DNAH12: variants seen among roughly 807,000 people sequenced by gnomAD.
DNAH12 encodes axonemal beta dynein heavy chain 12.
In DNAH12, 285 loss-of-function variants were observed where a neutral mutation model predicts 371.5. That is an observed-to-expected ratio of 0.77 (90% CI 0.70 to 0.85). The LOEUF (loss-of-function observed/expected upper bound fraction) is 0.85. DNAH12 is among the 40% of genes least tolerant of loss of function. The pLI is 0.00. For missense variants in DNAH12, 3,611 were observed against 3,689.4 expected (o/e 0.98, Z 0.55); for synonymous variants, 1,200 against 1,213.0 (o/e 0.99, Z 0.22).
intron 39 of DNAH12, among the ~76,000 whole-genome samples, chr3:57,411,760 T>A (rs930849190): frequency 1.5e-4 from 23 of 152,114 alleles, no homozygotes; most frequent in African/African-American, 5.3e-4. Flanking sequence ...CCTTCCAAAC[T>A]TGACATGTAG....
At chr3:57,457,523 T>G (rs1173461816) in intron 22 of DNAH12, among the ~76,000 whole-genome samples, 198 bp downstream of exon 22, 2 of 152,200 alleles carry the variant, frequency 1.3e-5, no homozygotes, top group Non-Finnish European at 2.9e-5. Context: ...CATAATACCT[T>G]TTCTCTTTTA....
upstream of DNAH12, among the ~76,000 whole-genome samples, chr3:57,548,007 T>C (rs1223112310): frequency 6.6e-6 from 1 of 152,298 alleles, no homozygotes; most frequent in African/African-American, 2.4e-5. Context: ...AACATTAGAA[T>C]AAAGCAATTT....
chr3:57,445,815 C>T (rs961200071), intron 27 of DNAH12, among the ~76,000 whole-genome samples: 1 of 151,750 alleles, frequency 6.6e-6, no homozygotes, highest in African/African-American at 2.4e-5. Context: ...GGTAAAACCC[C>T]GTCTTTACTA....
chr3:57,446,171 A>C lies in DNAH12; in HGVS notation c.4039T>G (p.Cys1347Gly), dbSNP rs1208966041. The change falls in exon 27 of 74, where the codon TGC (cysteine) becomes GGC (glycine). Residue 1347 changes from cysteine to glycine, a missense_variant. Coordinates refer to ENST00000495027, the MANE Select transcript of DNAH12 (RefSeq NM_001366028.2). ...TTCTGTTGAATAGCTCTCTGAATGC[A>C]AAGGATCTGTTGAGCTACCACTGAC... The part of the protein sequence containing the change: ...VLSVVAQQIL[C>G]IQRAIQQKLV... 1 of 1,551,626 alleles carries C rather than the reference A, an allele frequency of 6.4e-7. No individual in the cohort carries two copies. Among genetic ancestry groups the C allele is most frequent in the Non-Finnish European group, 8.7e-7 (1 of 1,147,002 alleles).
rs1166417213 is a variant in DNAH12, at chr3:57,480,779, A to C, written c.1650+2597T>G. On this transcript the variant is annotated intron_variant, in intron 13 of 73. Transcript: ENST00000495027. ...GCTGGTTCAACATACGCAAATCAAT[A>C]AATGTCATCCAGCATATAAACAGAA... Among the ~76,000 whole-genome samples the C allele has an allele frequency of 2.6e-5, 4 of 152,354 alleles. No homozygotes were observed. In the East Asian group the frequency reaches 7.7e-4, roughly 29 times the overall value.
chr3:57,388,028 C>CA (rs1381792651), intron 45 of DNAH12, among the ~76,000 whole-genome samples: 1 of 151,956 alleles, frequency 6.6e-6, no homozygotes, highest in African/African-American at 2.4e-5. Context: ...CTATAATGTC[C>CA]AAAGTTGATT....
chr3:57,532,215 T>C (rs2068873965), intron 2 of DNAH12, among the ~76,000 whole-genome samples: 4 of 152,170 alleles, frequency 2.6e-5, no homozygotes, highest in Admixed American at 2.6e-4. Flanking sequence ...CCTTGTTAAG[T>C]TTATCTGATA....
At chr3:57,525,500 G>A (rs1436031505) in intron 2 of DNAH12, among the ~76,000 whole-genome samples, 1 of 152,076 alleles carries the variant, frequency 6.6e-6, no homozygotes, top group East Asian at 1.9e-4. Context: ...TGAAAGAGAG[G>A]TGGCAGTCAT....
intron 35 of DNAH12, 32 bp from the exon 36 acceptor site, chr3:57,421,738 A>G (rs954500265): frequency 3.9e-6 from 6 of 1,550,480 alleles, no homozygotes; most frequent in Non-Finnish European, 5.2e-6. Context: ...AACTTATAGC[A>G]ATTATTTTAA....
chr3:57,362,570 G>A (rs2062959915), intron 58 of DNAH12, among the ~76,000 whole-genome samples: 1 of 152,160 alleles, frequency 6.6e-6, no homozygotes, highest in Non-Finnish European at 1.5e-5. Flanking sequence ...TAACTGGTGT[G>A]AGATGGTATC....
rs552759700 is a variant in DNAH12, at chr3:57,338,480, C to G, written c.9675-3540G>C. Among the ~76,000 whole-genome samples, 5 of 148,786 alleles carry G rather than the reference C, an allele frequency of 3.4e-5. No homozygotes were observed. The East Asian group carries it at 1.0e-3, about 30-fold the overall frequency. On this transcript the variant is annotated intron_variant, in intron 60 of 73. Coordinates refer to ENST00000495027, the MANE Select transcript of DNAH12 (RefSeq NM_001366028.2). ...GGGGAGCGCCTTTGCCCGGCCGCCC[C>G]GTCTGGGAGGTGAGGAGTGCCTCTG...
chr3:57,389,822 G>GTGTGTATATATATATATATATATATA (rs1326306277), intron 45 of DNAH12, among the ~76,000 whole-genome samples: 3 of 45,854 alleles, frequency 6.5e-5, no homozygotes, highest in Non-Finnish European at 1.4e-4. Context: ...GTGTGTGTGT[G>GTGTGTATATATATATATATATATATA]TATATATATA....
At chr3:57,485,568 AT>A (rs1335373872) in intron 12 of DNAH12, among the ~76,000 whole-genome samples, 2 of 136,914 alleles carry the variant, frequency 1.5e-5, no homozygotes, top group African/African-American at 5.5e-5. Context: ...CGTCTGGCTA[AT>A]TTTTGTATTT....
intron 34 of DNAH12, among the ~76,000 whole-genome samples, chr3:57,425,762 G>C (rs930733808): frequency 6.7e-6 from 1 of 149,364 alleles, no homozygotes; most frequent in African/African-American, 2.5e-5. Flanking sequence ...TCTAAGGATA[G>C]CAGAAATGAA....
chr3:57,308,095 G>A (rs2061509689), intron 69 of DNAH12, among the ~76,000 whole-genome samples: 1 of 152,106 alleles, frequency 6.6e-6, no homozygotes, highest in Non-Finnish European at 1.5e-5. Context: ...CCCAGGACTG[G>A]CAAATTGGCT....
intron 29 of DNAH12, among the ~76,000 whole-genome samples, chr3:57,443,798 T>C (rs2065387369): frequency 6.6e-6 from 1 of 152,168 alleles, no homozygotes; most frequent in East Asian, 1.9e-4. Context: ...TTCATTTCTA[T>C]CTAATAAAAT....
chr3:57,360,747 G>T (rs948935776), intron 58 of DNAH12, among the ~76,000 whole-genome samples: 2 of 152,114 alleles, frequency 1.3e-5, no homozygotes, highest in Non-Finnish European at 2.9e-5. Flanking sequence ...TTGTGGGGTG[G>T]GGAGCAGTGC....
At chr3:57,427,145 T>C (rs1196478649) in intron 34 of DNAH12, among the ~76,000 whole-genome samples, 1 of 150,498 alleles carries the variant, frequency 6.6e-6, no homozygotes, top group Admixed American at 6.6e-5. Context: ...CGAATGTGTG[T>C]GTGTGTGTGT....
rs1286230825 is a variant in DNAH12, at chr3:57,309,211, G to A, written c.11129C>T (p.Pro3710Leu). The A allele has an allele frequency of 4.5e-6, 7 of 1,550,010 alleles. No homozygotes were observed. Among genetic ancestry groups the A allele is most frequent in the African/African-American group, 1.4e-5 (1 of 72,940 alleles). The change falls in exon 69 of 74, where the codon CCT becomes CTT. Residue 3710 changes from proline to leucine, a missense_variant. Coordinates refer to ENST00000495027, the MANE Select transcript of DNAH12 (RefSeq NM_001366028.2). ...ATTCATGCTTTCTTCATATCTCACA[G>A]GATACTTCCGTAGTGCCATTTCAAT... ...FDIEMALRKY[P>L]VRYEESMNTV...
Sources: allele counts gnomAD v4.1 joint callset (sites outside exome capture counted in the v4.1 genomes callset), GRCh38; gene constraint gnomAD v4.1.1; transcripts MANE v1.5; gene names NCBI Gene and HGNC (gene_info 2026-07-23, HGNC 2026-07-21).